Variants in SEL1L observed in about 807,000 individuals in gnomAD.
SEL1L encodes the protein SEL1L adaptor subunit of SYVN1 ubiquitin ligase.
A neutral mutation model predicts 109.8 loss-of-function variants in SEL1L; 52 were observed. That is an observed-to-expected ratio of 0.47 (90% CI 0.38 to 0.60). The LOEUF (loss-of-function observed/expected upper bound fraction) is 0.60, where lower values mean the gene tolerates loss of function less well. SEL1L is among the 20% of genes least tolerant of loss of function. SEL1L has a pLI of 0.00. For missense variants in SEL1L, 749 were observed against 962.2 expected (o/e 0.78, Z 2.93); for synonymous variants, 373 against 339.6 (o/e 1.10, Z -1.08).
rs1885376561 is a variant in SEL1L at position 81,532,691 on chromosome 14, A to T, written c.70+984T>A. Among the ~76,000 whole-genome samples, 4 of 152,210 alleles carry T rather than the reference A, an allele frequency of 2.6e-5. No homozygotes were observed. The South Asian group carries it at 8.3e-4, about 32-fold the overall frequency. On this transcript the variant is annotated intron_variant, in intron 1 of 20. Coordinates refer to ENST00000336735, the MANE Select transcript of SEL1L (RefSeq NM_005065.6). The stretch of plus-strand genomic sequence containing the variant: ...ACTAGGACAGGTAATTTGGGGATTC[A>T]GATAACCATCTGGGAAATTTTCTGT...
chr14:81,487,680 T>G (rs1903562971), intron 15 of SEL1L, 142 bp from the exon 16 acceptor site: 1 of 1,505,208 alleles, frequency 6.6e-7, no homozygotes, highest in African/African-American at 1.4e-5. Flanking sequence ...GCTAACACAC[T>G]GATACAGATT....
At chr14:81,519,326 C>T (rs938788994) in intron 3 of SEL1L, among the ~76,000 whole-genome samples, 11 of 152,188 alleles carry the variant, frequency 7.2e-5, no homozygotes, top group African/African-American at 2.4e-4. Context: ...CAAATTATAG[C>T]TGTGAACACA....
chr14:81,515,509 C>T (rs1884665383), intron 3 of SEL1L, among the ~76,000 whole-genome samples: 1 of 152,132 alleles, frequency 6.6e-6, no homozygotes, highest in Non-Finnish European at 1.5e-5. Flanking sequence ...CAAGCCGTCC[C>T]CAGTATGGAT....
At chr14:81,510,757 G>C (rs1884446335) in intron 3 of SEL1L, among the ~76,000 whole-genome samples, 1 of 152,024 alleles carries the variant, frequency 6.6e-6, no homozygotes, top group African/African-American at 2.4e-5. Flanking sequence ...CAAACATAGA[G>C]TACTAAGTAG....
At chr14:81,482,357 A>G (rs900243410) in intron 19 of SEL1L, among the ~76,000 whole-genome samples, 27 of 152,202 alleles carry the variant, frequency 1.8e-4, no homozygotes, top group Admixed American at 9.8e-4. Context: ...TGATCTTTAT[A>G]TTAGTCATGT....
chr14:81,508,542 T>C (rs1245129582), intron 3 of SEL1L, among the ~76,000 whole-genome samples: 1 of 151,892 alleles, frequency 6.6e-6, no homozygotes, highest in East Asian at 1.9e-4. Context: ...AACCCAGGAG[T>C]TTGAGACCAG....
At chr14:81,527,432 C>T (rs1885154385) in intron 2 of SEL1L, among the ~76,000 whole-genome samples, 1 of 111,598 alleles carries the variant, frequency 9.0e-6, no homozygotes, top group African/African-American at 3.2e-5. Flanking sequence ...GTTAAATCTT[C>T]AAACTTACAC....
intron 10 of SEL1L, among the ~76,000 whole-genome samples, chr14:81,496,171 A>C (rs1883739589): frequency 6.6e-6 from 1 of 151,848 alleles, no homozygotes; most frequent in South Asian, 2.1e-4. Context: ...AAAATACAAA[A>C]AAATTAGCCG....
chr14:81,494,678 T>C (rs922251618), intron 11 of SEL1L, among the ~76,000 whole-genome samples: 1 of 152,236 alleles, frequency 6.6e-6, no homozygotes, highest in Non-Finnish European at 1.5e-5. Context: ...TGTTTTCTAC[T>C]TCTCTTTACA....
At chr14:81,484,134 A>ATTTCAAGTGG in intron 19 of SEL1L, 91 bp downstream of exon 19, 1 of 1,337,124 alleles carries the variant, frequency 7.5e-7, no homozygotes, top group Non-Finnish European at 1.0e-6. Flanking sequence ...AATCCAACTG[A>ATTTCAAGTGG]ATGTCAAGGA....
chr14:81,513,416 A>G (rs1038196691), intron 3 of SEL1L, among the ~76,000 whole-genome samples: 1 of 152,118 alleles, frequency 6.6e-6, no homozygotes, highest in Non-Finnish European at 1.5e-5. Context: ...TCACTCCTGA[A>G]GTCAGTGAGA....
chr14:81,532,994 A>G (rs535260970), intron 1 of SEL1L, among the ~76,000 whole-genome samples: 2 of 152,240 alleles, frequency 1.3e-5, no homozygotes, highest in Non-Finnish European at 2.9e-5. Context: ...TGGAAAATCA[A>G]TTCAAAAGCA....
chr14:81,485,435 C>G (rs1903488510), intron 18 of SEL1L, among the ~76,000 whole-genome samples: 1 of 151,004 alleles, frequency 6.6e-6, no homozygotes, highest in Non-Finnish European at 1.5e-5. Flanking sequence ...GCCACCATGC[C>G]CAGCTAATTT....
At chr14:81,482,831 AC>A (rs1903403216) in intron 19 of SEL1L, among the ~76,000 whole-genome samples, 1 of 152,210 alleles carries the variant, frequency 6.6e-6, no homozygotes, top group South Asian at 2.1e-4. Context: ...AAAATGAACA[AC>A]TTTCCCTCAA....
intron 11 of SEL1L, among the ~76,000 whole-genome samples, chr14:81,494,754 T>A (rs1234012504): frequency 6.6e-6 from 1 of 152,210 alleles, no homozygotes; most frequent in African/African-American, 2.4e-5. Context: ...TAAATCTCCT[T>A]TGTAAGAATA....
intron 14 of SEL1L, chr14:81,489,024 C>G: frequency 1.8e-6 from 1 of 546,698 alleles, no homozygotes; most frequent in Admixed American, 3.7e-5. Flanking sequence ...AGAAACAACT[C>G]CATACCTCTG....
At chr14:81,501,710 T>C (rs1430298170) in intron 6 of SEL1L, among the ~76,000 whole-genome samples, 1 of 152,184 alleles carries the variant, frequency 6.6e-6, no homozygotes, top group African/African-American at 2.4e-5. Flanking sequence ...TAAATAAATA[T>C]GATGGCCCCC....
At chr14:81,489,156 G>T in intron 14 of SEL1L, 96 bp downstream of exon 14, 1 of 1,072,320 alleles carries the variant, frequency 9.3e-7, no homozygotes, top group South Asian at 1.3e-5. Flanking sequence ...CAATGGAACA[G>T]CCCCACCTGG....
At position 81,472,235 on chromosome 14, in the gene SEL1L, T is replaced by G. The variant is rs1903031613; in HGVS notation, c.*4737A>C. 1 of 158,838 alleles carries G rather than the reference T, an allele frequency of 6.3e-6. No individual in the cohort carries two copies. The highest frequency in any genetic ancestry group is 1.4e-5 in the Non-Finnish European group (1 of 72,274). The allele number at this position is 158,838 out of a possible 1,614,324, so 9.8% of individuals were successfully genotyped here. On this transcript the variant is annotated 3_prime_UTR_variant, in exon 21 of 21. Transcript: ENST00000336735. ...TGGTGTTAAGGCTCTGACATCCGAC[T>G]TCCCCCACAACTTTTAGGTCAGTCA...
Sources: allele counts gnomAD v4.1 joint callset (sites outside exome capture counted in the v4.1 genomes callset), GRCh38; gene constraint gnomAD v4.1.1; transcripts MANE v1.5; gene names NCBI Gene and HGNC (gene_info 2026-07-23, HGNC 2026-07-21).